CEP89: variants seen among roughly 807,000 people sequenced by gnomAD.
The protein encoded by CEP89 is centrosomal protein of 89 kDa.
Under a neutral mutation model 97.6 loss-of-function variants are expected in CEP89, and 95 were observed. That is an observed-to-expected ratio of 0.97 (90% CI 0.82 to 1.15). The LOEUF is 1.15. Ranked by LOEUF, CEP89 falls within the 50% of genes most tolerant of loss-of-function variation. The pLI is 0.00. For synonymous variants in CEP89, 354 were observed against 349.1 expected (o/e 1.01, Z -0.16); for missense variants, 869 against 947.7 (o/e 0.92, Z 1.09).
In CEP89 at chr19:32,918,338, G is replaced by A. The variant is rs778046770; in HGVS notation, c.1270C>T (p.Arg424Cys). ...AGTTTTGCTTGAGTCTGAAGCTGAC[G>A]CCTGCAATTGATTTACAAGATGAAA... ...KSSAVTSEEW[R>C]QLQTQAKLVL... The change falls in exon 13 of 19, where the codon CGT (arginine) becomes TGT (cysteine). Residue 424 changes from arginine (R) to cysteine (C), a missense_variant and splice_region_variant. By Grantham distance (180) the Arg-to-Cys change is radical. Transcript: ENST00000305768. The A allele has an allele frequency of 2.5e-5, 40 of 1,604,838 alleles. No homozygotes were observed. The highest frequency in any genetic ancestry group is 8.9e-5 in the East Asian group (4 of 44,840).
At chr19:32,921,544 G>C (rs1970250835) in intron 12 of CEP89, among the ~76,000 whole-genome samples, 1 of 152,262 alleles carries the variant, frequency 6.6e-6, no homozygotes, top group Admixed American at 6.5e-5. Context: ...CGGGGCTGTG[G>C]ATTTGAAAGC....
At chr19:32,966,998 G>A (rs1489773138) in intron 1 of CEP89, among the ~76,000 whole-genome samples, 2 of 152,042 alleles carry the variant, frequency 1.3e-5, no homozygotes, top group African/African-American at 4.8e-5. Context: ...GGTAATTTTT[G>A]TATTTTTTTG....
chr19:32,901,720 T>C (rs1969775911), intron 14 of CEP89, among the ~76,000 whole-genome samples: 1 of 152,006 alleles, frequency 6.6e-6, no homozygotes, highest in Non-Finnish European at 1.5e-5. Context: ...TTCGAACTTC[T>C]GGACTCAAGC....
rs998787468 is a variant in CEP89 at position 32,959,781 on chromosome 19, G to A, written c.305+119C>T. The A allele has an allele frequency of 2.6e-5, 28 of 1,060,090 alleles. No individual in the cohort carries two copies. The East Asian group carries it at 2.9e-4, about 11-fold the overall frequency. 65.7% of individuals were successfully genotyped at this position (1,060,090 alleles called of 1,614,324 possible). A position where few individuals can be genotyped will look rare whatever the true frequency, so the allele number is the denominator to read the frequency against. On this transcript the variant is annotated intron_variant, in intron 3 of 18. Transcript: ENST00000305768. Reference sequence around the variant, plus strand: ...CATAAATACATGCATGAGCACCCACGCACCCACACAGGTACACATGCACAC... The same window carrying A: ...CATAAATACATGCATGAGCACCCACACACCCACACAGGTACACATGCACAC...
rs75303367 is a variant in CEP89, at chr19:32,937,374, C to T, written c.667+257G>A. 8.4e-3 allele frequency among the ~76,000 whole-genome samples: 1,276 copies of T among 151,764 alleles called. 23 individuals are homozygous for T. The highest frequency in any genetic ancestry group is 0.03 in the African/African-American group (1,221 of 41,278). ...CCATTACATCCCACAGGTCCACCTC[C>T]CTTCCCCCAGGATCCCAGCATATCC... On this transcript the variant is annotated intron_variant, in intron 7 of 18. Transcript: ENST00000305768.
chr19:32,968,767 T>C (rs1024069937), intron 1 of CEP89: 2 of 152,236 alleles, frequency 1.3e-5, no homozygotes, highest in Non-Finnish European at 2.9e-5. Context: ...CAGCATGGCT[T>C]ATCAGGCTGA....
intron 5 of CEP89, among the ~76,000 whole-genome samples, chr19:32,947,380 T>C (rs1043779945): frequency 2.0e-5 from 3 of 152,080 alleles, no homozygotes; most frequent in African/African-American, 7.2e-5. Context: ...TATCCCTACC[T>C]CTATTGCTTA....
rs770493510 is a variant in CEP89, at chr19:32,879,136, G to A, written c.*26C>T. 31 of 1,573,046 alleles carry A rather than the reference G, an allele frequency of 2.0e-5. No homozygotes were observed. The South Asian group carries it at 3.5e-4, about 18-fold the overall frequency. ...GAGGCAGACCTTTCAGGCCAGAGGA[G>A]GCTACACCACGGGCTCCCGCAGATT... is the stretch of plus-strand genomic sequence containing the variant. On this transcript the variant is annotated 3_prime_UTR_variant, in exon 19 of 19. Coordinates refer to ENST00000305768, the MANE Select transcript of CEP89 (RefSeq NM_032816.5).
intron 15 of CEP89, 60 bp from the exon 16 acceptor site, chr19:32,900,058 G>A (rs1211449850): frequency 1.3e-6 from 2 of 1,490,216 alleles, no homozygotes; most frequent in African/African-American, 1.4e-5. Context: ...GCTAGGGCAT[G>A]GTGAATATCT....
chr19:32,882,895 G>A (rs954368653), intron 17 of CEP89, among the ~76,000 whole-genome samples: 1 of 151,738 alleles, frequency 6.6e-6, no homozygotes, highest in Non-Finnish European at 1.5e-5. Flanking sequence ...GTCTTGCTCT[G>A]TGGCCCAGGC....
At chr19:32,952,735 CT>C (rs1269994740) in intron 4 of CEP89, among the ~76,000 whole-genome samples, 1 of 151,110 alleles carries the variant, frequency 6.6e-6, no homozygotes, top group Non-Finnish European at 1.5e-5. Context: ...GAAACCCTGT[CT>C]CTACAAAAAG....
chr19:32,935,807 G>A (rs904458030), intron 7 of CEP89, among the ~76,000 whole-genome samples: 2 of 152,052 alleles, frequency 1.3e-5, no homozygotes, highest in African/African-American at 4.8e-5. Context: ...GCCCAAGCCC[G>A]GCTGCAGACC....
At chr19:32,887,979 C>A in intron 16 of CEP89, 138 bp from the exon 17 acceptor site, 1 of 632,754 alleles carries the variant, frequency 1.6e-6, no homozygotes, top group Non-Finnish European at 2.8e-6. Context: ...CCTTCCCCAC[C>A]CACTGTGTGA....
chr19:32,948,207 A>G, intron 5 of CEP89, 59 bp downstream of exon 5: 1 of 950,472 alleles, frequency 1.1e-6, no homozygotes, highest in Non-Finnish European at 1.6e-6. Flanking sequence ...AAAATAAGCA[A>G]TATTCATTAT....
At chr19:32,926,855 C>A in intron 10 of CEP89, 79 bp downstream of exon 10, 1 of 1,276,584 alleles carries the variant, frequency 7.8e-7, no homozygotes, top group Non-Finnish European at 1.1e-6. Context: ...AGCCACCGCG[C>A]CTGGCCTGAA....
intron 14 of CEP89, among the ~76,000 whole-genome samples, chr19:32,912,354 A>G (rs1970019435): frequency 6.6e-6 from 1 of 152,204 alleles, no homozygotes; most frequent in African/African-American, 2.4e-5. Context: ...AACATTTACA[A>G]TCAGTTGACT....
At chr19:32,951,600 G>C (rs8110525) in intron 4 of CEP89, among the ~76,000 whole-genome samples, 33,585 of 148,844 alleles carry the variant, frequency 0.23, 3,959 homozygotes, top group Admixed American at 0.33. Flanking sequence ...TAAACTTGTA[G>C]TAAAAGAATA....
intron 1 of CEP89, chr19:32,970,096 C>T (rs1971367327): frequency 6.6e-6 from 1 of 152,266 alleles, no homozygotes; most frequent in Non-Finnish European, 1.5e-5. Context: ...TTCCATTTCC[C>T]AAACAGCAAA....
intron 13 of CEP89, 79 bp from the exon 14 acceptor site, chr19:32,915,596 A>G: frequency 8.1e-7 from 1 of 1,231,718 alleles, no homozygotes; most frequent in Non-Finnish European, 1.2e-6. Flanking sequence ...AGGAAATACT[A>G]ATGAGAGTCA....
Sources: allele counts gnomAD v4.1 joint callset (sites outside exome capture counted in the v4.1 genomes callset), GRCh38; gene constraint gnomAD v4.1.1; transcripts MANE v1.5; gene names NCBI Gene and HGNC (gene_info 2026-07-23, HGNC 2026-07-21).